Variants in GIMAP8 observed in about 807,000 individuals in gnomAD.
GIMAP8 encodes GTPase, IMAP family member 8, also known as GTPase IMAP family member 8.
Under a neutral mutation model 35.6 loss-of-function variants are expected in GIMAP8, and 29 were observed. That is an observed-to-expected ratio of 0.81 (90% CI 0.61 to 1.11). The LOEUF is 1.11. GIMAP8 is among the 50% of genes most tolerant of loss of function. The pLI is 0.00. For synonymous variants in GIMAP8, 335 were observed against 308.7 expected (o/e 1.09, Z -0.89); for missense variants, 811 against 805.0 (o/e 1.01, Z -0.09).
At position 150,477,671 on chromosome 7, in the gene GIMAP8, G is replaced by T. The variant is rs1201837728; in HGVS notation, c.1889G>T (p.Trp630Leu). 2 of 1,614,140 alleles carry T rather than the reference G, an allele frequency of 1.2e-6. No homozygotes were observed. Among genetic ancestry groups the T allele is most frequent in the South Asian group, 2.2e-5 (2 of 91,082 alleles). ...AATGATCTGAGAAAAGAAAGTGGGT[G>T]GTCCGGGTATCCCCATACACAGGAG... is the stretch of plus-strand genomic sequence containing the variant. ...KVNDLRKESG[W>L]SGYPHTQENV... Residue 630 changes from tryptophan to leucine, a missense_variant, in exon 5 of 5, where the codon TGG becomes TTG. Transcript: ENST00000307271.
rs745785913 is a variant in GIMAP8 at position 150,467,045 on chromosome 7, G to C, written c.347G>C (p.Gly116Ala). ...FTREDEETAK[G>A]IQQVFGAEAR... is the part of the protein sequence containing the mutation. ...AGGGAGGATGAGGAAACAGCCAAGG[G>C]CATCCAACAAGTGTTTGGAGCTGAA... The change falls in exon 2 of 5, where the codon GGC becomes GCC. Residue 116 changes from glycine (G) to alanine (A), a missense_variant. Gly to Ala is a moderately conservative substitution (Grantham distance 60). Transcript: ENST00000307271. The C allele has an allele frequency of 1.9e-6, 3 of 1,614,214 alleles. No homozygotes were observed. In the South Asian group the frequency reaches 3.3e-5, roughly 18 times the overall value.
At chr7:150,465,430 A>G (rs1801933296) in intron 1 of GIMAP8, among the ~76,000 whole-genome samples, 1 of 152,166 alleles carries the variant, frequency 6.6e-6, no homozygotes. Flanking sequence ...ACCTGTGATT[A>G]TGGTAGAGGG....
intron 4 of GIMAP8, among the ~76,000 whole-genome samples, chr7:150,474,891 C>G (rs1802192030): frequency 6.6e-6 from 1 of 150,834 alleles, no homozygotes; most frequent in South Asian, 2.1e-4. Flanking sequence ...CACCCCACAA[C>G]AGTCCCCAGA....
Position 150,477,999 on chromosome 7 carries a change from G to T in GIMAP8, c.*219G>T. 1.8e-6 allele frequency: 1 copy of T among 546,916 alleles called. No homozygotes were observed. The allele number at this position is 546,916 out of a possible 1,614,324, so 33.9% of individuals were successfully genotyped here. A position where few individuals can be genotyped will look rare whatever the true frequency, so the allele number is the denominator to read the frequency against. Reference sequence around the variant, plus strand: ...TTATAAAGGAGAAAGAAGATACAAGGTGGGGAAATCTGGAAAAAGATTTCA... The same window carrying T: ...TTATAAAGGAGAAAGAAGATACAAGTTGGGGAAATCTGGAAAAAGATTTCA... On this transcript the variant is annotated 3_prime_UTR_variant, in exon 5 of 5. Coordinates refer to ENST00000307271, the MANE Select transcript of GIMAP8 (RefSeq NM_175571.4).
rs750327624 is a variant in GIMAP8 at position 150,466,757 on chromosome 7, G to A, written c.59G>A (p.Arg20His). ...ELRLLLLGKC[R>H]SGKSATGNAI... ...CGGCTCCTCCTCCTGGGAAAATGCC[G>A]CTCGGGAAAAAGTGCCACAGGAAAT... is the stretch of plus-strand genomic sequence containing the variant. Residue 20 changes from arginine (R) to histidine (H), a missense_variant, in exon 2 of 5, where the codon CGC becomes CAC. By Grantham distance (29) the Arg-to-His change is conservative (BLOSUM62 0). Transcript: ENST00000307271. 3 of 1,614,044 alleles carry A rather than the reference G, an allele frequency of 1.9e-6. No homozygotes were observed. Among genetic ancestry groups the A allele is most frequent in the Non-Finnish European group, 2.5e-6 (3 of 1,180,014 alleles).
In GIMAP8 at chr7:150,466,968, T is replaced by C. The variant is rs930093322; in HGVS notation, c.270T>C (p.Ser90=). The C allele has an allele frequency of 1.2e-6, 2 of 1,614,108 alleles. No individual in the cohort carries two copies. Among genetic ancestry groups the C allele is most frequent in the African/African-American group, 2.7e-5 (2 of 74,944 alleles). ...ACATCCAACACTGCTTGGAGCTCTC[T>C]GCTCCCAGCCTCCATGCTCTGCTCT... ...QRNIQHCLEL[S]APSLHALLLV... Residue 90 remains serine (S), a synonymous_variant, in exon 2 of 5, where the codon TCT becomes TCC. Transcript: ENST00000307271.
chr7:150,477,907 T>C lies in GIMAP8; in HGVS notation c.*127T>C. 1.5e-6 allele frequency: 1 copy of C among 678,668 alleles called. No homozygotes were observed. Among genetic ancestry groups the C allele is most frequent in the Non-Finnish European group, 2.5e-6 (1 of 398,572 alleles). The allele number at this position is 678,668 out of a possible 1,614,324, so 42.0% of individuals were successfully genotyped here. A position where few individuals can be genotyped will look rare whatever the true frequency, so the allele number is the denominator to read the frequency against. ...TTTGAGGGCCTGAGAGGCAAATGCA[T>C]CCCGCCTTGTGATGTATCAGCTATT... On this transcript the variant is annotated 3_prime_UTR_variant, in exon 5 of 5. Coordinates refer to ENST00000307271, the MANE Select transcript of GIMAP8 (RefSeq NM_175571.4).
chr7:150,470,933 C>T (rs1802076787), intron 3 of GIMAP8, 59 bp downstream of exon 3: 1 of 1,222,836 alleles, frequency 8.2e-7, no homozygotes, highest in Non-Finnish European at 1.2e-6. Context: ...ATGCATTCTG[C>T]AGCCAAAGTG....
In GIMAP8 at chr7:150,451,486, A is replaced by T. The variant is rs1018228888; in HGVS notation, c.-29+311A>T. Among the ~76,000 whole-genome samples, 1 of 152,092 alleles carries T rather than the reference A, an allele frequency of 6.6e-6. No homozygotes were observed. The highest frequency in any genetic ancestry group is 1.5e-5 in the Non-Finnish European group (1 of 68,002). On this transcript the variant is annotated intron_variant, in intron 1 of 4. Transcript: ENST00000307271. This position sits in a 1 kb window ranked among gnomAD's most constrained non-coding sequence, Gnocchi z 4.1. ...CCTGCTGGGGAGTAGATTCGGCAGG[A>T]TGGGGACAGAGGCATATTCCCAGAC...
intron 3 of GIMAP8, among the ~76,000 whole-genome samples, chr7:150,471,411 G>A (rs1802087126): frequency 6.6e-6 from 1 of 152,208 alleles, no homozygotes; most frequent in Admixed American, 6.5e-5. Context: ...CTTTACTGAT[G>A]GATTTGCAGG....
Position 150,450,901 on chromosome 7 carries a change from G to C in GIMAP8, c.-303G>C, listed in dbSNP as rs890346216. Reference sequence around the variant, plus strand: ...GGCGCTCAGCACCCAGGGAAGGCGCGTGTGTCCCCGATGCTGGCTCCTCCC... The same window carrying C: ...GGCGCTCAGCACCCAGGGAAGGCGCCTGTGTCCCCGATGCTGGCTCCTCCC... On this transcript the variant is annotated 5_prime_UTR_variant, in exon 1 of 5. Transcript: ENST00000307271. The surrounding 1 kb of genome is among the most constrained non-coding windows in gnomAD (Gnocchi z 4.4). 1 of 152,532 alleles carries C rather than the reference G, an allele frequency of 6.6e-6. No individual in the cohort carries two copies. Among genetic ancestry groups the C allele is most frequent in the East Asian group, 1.9e-4 (1 of 5,206 alleles). 9.4% of individuals were successfully genotyped at this position (152,532 alleles called of 1,614,324 possible). A position where few individuals can be genotyped will look rare whatever the true frequency, so the allele number is the denominator to read the frequency against.
chr7:150,477,781 G>C lies in GIMAP8; in HGVS notation c.*1G>C. Reference sequence around the variant, plus strand: ...AAATTTAATAGGTATTTTACAATAGGTAGCCGAAGTGCCTGGGGTCTCTTC... The same window carrying C: ...AAATTTAATAGGTATTTTACAATAGCTAGCCGAAGTGCCTGGGGTCTCTTC... On this transcript the variant is annotated 3_prime_UTR_variant, in exon 5 of 5. Coordinates refer to ENST00000307271, the MANE Select transcript of GIMAP8 (RefSeq NM_175571.4). 6.2e-7 allele frequency: 1 copy of C among 1,609,414 alleles called. No homozygotes were observed.
At position 150,467,233 on chromosome 7, in the gene GIMAP8, A is replaced by G; in HGVS notation, c.535A>G (p.Ile179Val). 6.2e-7 allele frequency: 1 copy of G among 1,614,230 alleles called. No homozygotes were observed. The change falls in exon 2 of 5, where the codon ATC (isoleucine) becomes GTC (valine). Residue 179 changes from isoleucine to valine, a missense_variant. Physicochemically the swap from Ile to Val is conservative, Grantham distance 29. Coordinates refer to ENST00000307271, the MANE Select transcript of GIMAP8 (RefSeq NM_175571.4). ...NNKTNSKDEQ[I>V]TQVLELLRKV... ...CAAGACCAATAGTAAGGATGAGCAGATCACCCAGGTGTTGGAGCTCCTTCG... is the reference window on the plus strand; with the variant it reads ...CAAGACCAATAGTAAGGATGAGCAGGTCACCCAGGTGTTGGAGCTCCTTCG...
At chr7:150,467,476 A>G (rs565268033) in intron 2 of GIMAP8, 142 bp downstream of exon 2, 8 of 706,532 alleles carry the variant, frequency 1.1e-5, no homozygotes, top group Non-Finnish European at 1.8e-5. Context: ...ATTTGCAGGA[A>G]TAAGAGGTAT....
Position 150,474,242 on chromosome 7 carries a change from G to T in GIMAP8, c.913G>T (p.Asp305Tyr). Residue 305 changes from aspartate (D) to tyrosine (Y), a missense_variant, in exon 4 of 5, where the codon GAC becomes TAC. Physicochemically the swap from Asp to Tyr is radical, Grantham distance 160. Coordinates refer to ENST00000307271, the MANE Select transcript of GIMAP8 (RefSeq NM_175571.4). ...KKKVSIIDAP[D>Y]ISSLKNIDSE... ...GAAAGTTTCGATCATTGATGCTCCG[G>T]ACATCTCATCTTTAAAGAACATTGA... is the stretch of plus-strand genomic sequence containing the variant. 6.2e-7 allele frequency: 1 copy of T among 1,614,162 alleles called. No homozygotes were observed. Among genetic ancestry groups the T allele is most frequent in the Non-Finnish European group, 8.5e-7 (1 of 1,180,024 alleles).
rs200127471 is a variant in GIMAP8 at position 150,477,571 on chromosome 7, C to G, written c.1789C>G (p.Arg597Gly). ...GCGCATTTTTAAAAAGTGTGGGCGG[C>G]GAGTTTGTGCTTTTAACAACAAAGA... ...LRRIFKKCGR[R>G]VCAFNNKETG... The change falls in exon 5 of 5, where the codon CGA (arginine) becomes GGA (glycine). Residue 597 changes from arginine to glycine, a missense_variant. Coordinates refer to ENST00000307271, the MANE Select transcript of GIMAP8 (RefSeq NM_175571.4). 1.3e-5 allele frequency: 21 copies of G among 1,614,030 alleles called. No homozygotes were observed. In the East Asian group the frequency reaches 2.2e-4, roughly 17 times the overall value.
In GIMAP8 at chr7:150,467,312, A is replaced by C. The variant is rs1307163542; in HGVS notation, c.614A>C (p.Lys205Thr). 1 of 1,611,648 alleles carries C rather than the reference A, an allele frequency of 6.2e-7. No homozygotes were observed. Among genetic ancestry groups the C allele is most frequent in the Non-Finnish European group, 8.5e-7 (1 of 1,177,990 alleles). The change falls in exon 2 of 5, where the codon AAA becomes ACA. Residue 205 changes from lysine (K) to threonine (T), a missense_variant. Transcript: ENST00000307271. Reference protein sequence around the residue: ...TNGGPYHVNFKTEGSRFQDCV... With the variant: ...TNGGPYHVNFTTEGSRFQDCV... ...GGAGGACCCTATCATGTGAACTTCAAAACTGAAGGCAGCAGGTTTCAAGTA... is the reference window on the plus strand; with the variant it reads ...GGAGGACCCTATCATGTGAACTTCACAACTGAAGGCAGCAGGTTTCAAGTA...
chr7:150,467,919 T>C (rs1449045560), intron 2 of GIMAP8, among the ~76,000 whole-genome samples: 1 of 152,196 alleles, frequency 6.6e-6, no homozygotes, highest in Non-Finnish European at 1.5e-5. Context: ...GGTCTCCACT[T>C]GTCTCTCTTA....
intron 4 of GIMAP8, 66 bp downstream of exon 4, chr7:150,474,704 G>A: frequency 9.7e-7 from 1 of 1,033,494 alleles, no homozygotes; most frequent in Non-Finnish European, 1.3e-6. Context: ...AAATATATAA[G>A]AACTTTTTAT....
Sources: allele counts gnomAD v4.1 joint callset (sites outside exome capture counted in the v4.1 genomes callset), GRCh38; gene constraint gnomAD v4.1.1; non-coding constraint Gnocchi (gnomAD v3.1); transcripts MANE v1.5; gene names NCBI Gene and HGNC (gene_info 2026-07-23, HGNC 2026-07-21).